TOX: variants seen among roughly 807,000 people sequenced by gnomAD.
TOX encodes the protein thymocyte selection-associated high mobility group box protein TOX.
In TOX, 11 loss-of-function variants were observed where a neutral mutation model predicts 53.7. That is an observed-to-expected ratio of 0.20 (90% CI 0.13 to 0.34). The LOEUF (loss-of-function observed/expected upper bound fraction) is 0.34. TOX is among the 10% of genes least tolerant of loss of function. TOX has a pLI of 1.00. For missense variants in TOX, 570 were observed against 664.6 expected (o/e 0.86, Z 1.56); for synonymous variants, 225 against 245.3 (o/e 0.92, Z 0.77).
intron 1 of TOX, among the ~76,000 whole-genome samples, chr8:59,080,585 T>A (rs1586007419): frequency 6.6e-6 from 1 of 152,212 alleles, no homozygotes; most frequent in Non-Finnish European, 1.5e-5. Flanking sequence ...ACCCAAATCT[T>A]ATGTTGAATT....
At chr8:58,928,714 T>C (rs1018897836) in intron 3 of TOX, among the ~76,000 whole-genome samples, 1 of 152,150 alleles carries the variant, frequency 6.6e-6, no homozygotes, top group African/African-American at 2.4e-5. Flanking sequence ...GCCTTAATAA[T>C]ACAGCGTTTT....
intron 1 of TOX, among the ~76,000 whole-genome samples, chr8:59,077,175 G>A: frequency 6.6e-6 from 1 of 152,194 alleles, no homozygotes; most frequent in East Asian, 1.9e-4. Context: ...TCTACCACAG[G>A]CACAGATAAC....
At chr8:59,044,705 C>A (rs773445652) in intron 1 of TOX, among the ~76,000 whole-genome samples, 3 of 152,158 alleles carry the variant, frequency 2.0e-5, no homozygotes, top group Non-Finnish European at 2.9e-5. Flanking sequence ...CACCAAGGCT[C>A]TTTCAAAATG....
chr8:58,839,938 G>A (rs571287719), intron 4 of TOX, among the ~76,000 whole-genome samples: 9 of 152,074 alleles, frequency 5.9e-5, no homozygotes, highest in South Asian at 4.2e-4. Context: ...TAATTTCTCC[G>A]GGCCTCTGTT....
chr8:58,992,141 A>C (rs538107225), intron 1 of TOX: 2 of 152,360 alleles, frequency 1.3e-5, no homozygotes, highest in Admixed American at 1.3e-4. Context: ...TTCTGAAATG[A>C]AATGAAAGCA....
At chr8:58,891,418 C>G (rs1178478493) in intron 3 of TOX, among the ~76,000 whole-genome samples, 1 of 152,024 alleles carries the variant, frequency 6.6e-6, no homozygotes, top group Non-Finnish European at 1.5e-5. Flanking sequence ...AAGATGTCAT[C>G]CTGTGTTGCT....
intron 1 of TOX, among the ~76,000 whole-genome samples, chr8:58,970,907 T>C (rs1812990549): frequency 6.6e-6 from 1 of 152,348 alleles, no homozygotes; most frequent in South Asian, 2.1e-4. Flanking sequence ...TCCATGGAAA[T>C]AGCTAATTTT....
intron 1 of TOX, among the ~76,000 whole-genome samples, chr8:59,044,981 A>G (rs1803658605): frequency 6.6e-6 from 1 of 152,260 alleles, no homozygotes; most frequent in South Asian, 2.1e-4. Flanking sequence ...TGAGGCTATC[A>G]TTCCATTTAA....
intron 7 of TOX, chr8:58,814,272 A>G (rs1333440574): frequency 6.6e-6 from 1 of 152,244 alleles, no homozygotes; most frequent in Admixed American, 6.5e-5. Flanking sequence ...GTAGACATCA[A>G]TTCTATAGGA....
At chr8:59,084,525 C>A (rs1804474374) in intron 1 of TOX, among the ~76,000 whole-genome samples, 1 of 152,140 alleles carries the variant, frequency 6.6e-6, no homozygotes, top group South Asian at 2.1e-4. Flanking sequence ...TTCTCGATAT[C>A]TTTTACTTCT....
chr8:59,049,768 G>A lies in TOX; in HGVS notation c.102+69118C>T, dbSNP rs968135095. Reference sequence around the variant, plus strand: ...GCTACTGATACCTTTATGAACTCCTGAGTTAAACCACTTCTATGGATCACA... The same window carrying A: ...GCTACTGATACCTTTATGAACTCCTAAGTTAAACCACTTCTATGGATCACA... On this transcript the variant is annotated intron_variant, in intron 1 of 8. Coordinates refer to ENST00000361421, the MANE Select transcript of TOX (RefSeq NM_014729.3). Among the ~76,000 whole-genome samples, 75 of 152,150 alleles carry A rather than the reference G, an allele frequency of 4.9e-4. 1 individual carries two copies. The highest frequency in any genetic ancestry group is 2.1e-4 in the Non-Finnish European group (14 of 68,002).
intron 1 of TOX, among the ~76,000 whole-genome samples, chr8:59,043,869 A>G (rs1475118052): frequency 2.0e-5 from 3 of 152,252 alleles, no homozygotes; most frequent in Non-Finnish European, 1.5e-5. Context: ...CCCTGAATTC[A>G]TTTAAATTAT....
intron 6 of TOX, among the ~76,000 whole-genome samples, chr8:58,821,369 G>C (rs540269657): frequency 6.6e-6 from 1 of 151,962 alleles, no homozygotes; most frequent in Non-Finnish European, 1.5e-5. Flanking sequence ...TTTATTAAGT[G>C]CTTCCTATGT....
At chr8:59,071,025 C>T (rs749881010) in intron 1 of TOX, among the ~76,000 whole-genome samples, 9 of 152,184 alleles carry the variant, frequency 5.9e-5, no homozygotes, top group Non-Finnish European at 1.0e-4. Flanking sequence ...TGCACCTACA[C>T]AAGGGAATGA....
chr8:58,895,675 G>A (rs968363131), intron 3 of TOX, among the ~76,000 whole-genome samples: 5 of 152,174 alleles, frequency 3.3e-5, no homozygotes, highest in Non-Finnish European at 4.4e-5. Context: ...TGGCGTCATA[G>A]GCTTCTGTTC....
intron 1 of TOX, among the ~76,000 whole-genome samples, chr8:59,095,052 TA>T (rs1804691323): frequency 6.6e-6 from 1 of 152,224 alleles, no homozygotes; most frequent in African/African-American, 2.4e-5. Context: ...TTCACTGTCT[TA>T]TATCATCATT....
intron 2 of TOX, among the ~76,000 whole-genome samples, chr8:58,953,312 G>T (rs928656526): frequency 6.6e-6 from 1 of 152,106 alleles, no homozygotes; most frequent in African/African-American, 2.4e-5. Context: ...TTTATAAACT[G>T]TAAGAAATAT....
chr8:58,950,661 C>G (rs1299583242), intron 2 of TOX, among the ~76,000 whole-genome samples: 2 of 152,138 alleles, frequency 1.3e-5, no homozygotes, highest in African/African-American at 2.4e-5. Flanking sequence ...ATGTTCAGTT[C>G]CCCAGAAGTG....
chr8:58,912,297 A>G (rs1811921949), intron 3 of TOX, among the ~76,000 whole-genome samples: 1 of 152,238 alleles, frequency 6.6e-6, no homozygotes, highest in Non-Finnish European at 1.5e-5. Context: ...AAGGAAATAC[A>G]CTAAGGTAAC....
Sources: gnomAD v4.1 joint callset for allele counts (sites outside exome capture counted in the v4.1 genomes callset) on GRCh38, gnomAD v4.1.1 for gene constraint, MANE v1.5 for transcripts, NCBI Gene and HGNC (gene_info 2026-07-23, HGNC 2026-07-21) for gene names.